MGAT4C: variants seen among roughly 807,000 people sequenced by gnomAD.
The protein encoded by MGAT4C is MGAT4 family member C, also known as alpha-1,3-mannosyl-glycoprotein 4-beta-N-acetylglucosaminyltransferase C.
A neutral mutation model predicts 40.1 loss-of-function variants in MGAT4C; 19 were observed. The observed-to-expected ratio is 0.47, with a 90% CI of 0.33 to 0.70. MGAT4C has a LOEUF of 0.70. Among genes scored for constraint, MGAT4C ranks in the 30% least tolerant of loss-of-function variants. The probability of loss-of-function intolerance (pLI) is 0.02; values close to 1 mark genes in which losing one functional copy is unlikely to be tolerated. For synonymous variants in MGAT4C, 181 were observed against 187.1 expected (o/e 0.97, Z 0.27); for missense variants, 491 against 563.2 (o/e 0.87, Z 1.30).
At chr12:86,252,720 C>T (rs1259291517) in intron 1 of MGAT4C, among the ~76,000 whole-genome samples, 3 of 151,772 alleles carry the variant, frequency 2.0e-5, no homozygotes, top group Non-Finnish European at 2.9e-5. Flanking sequence ...AAAAATTCTT[C>T]ATTTTTTATT....
At chr12:86,794,210 A>C (rs979515407) in intron 1 of MGAT4C, among the ~76,000 whole-genome samples, 7 of 151,716 alleles carry the variant, frequency 4.6e-5, no homozygotes, top group African/African-American at 1.2e-4. Context: ...TTTTTATTAA[A>C]ATGCTTATAT....
At chr12:86,014,805 G>A (rs1372710560) in intron 2 of MGAT4C, among the ~76,000 whole-genome samples, 1 of 151,970 alleles carries the variant, frequency 6.6e-6, no homozygotes, top group Non-Finnish European at 1.5e-5. Context: ...ACTTGGGGAC[G>A]TGGAGGGCTT....
chr12:86,618,730 A>C (rs1372937469), intron 2 of MGAT4C, among the ~76,000 whole-genome samples: 1 of 144,146 alleles, frequency 6.9e-6, no homozygotes, highest in East Asian at 2.0e-4. Context: ...ACAAACATAC[A>C]GTTAGATAGA....
chr12:85,961,935 A>G lies in MGAT4C; in HGVS notation c.*17354T>C, dbSNP rs1301798359. ...CCATTGTCAAAAATCATTGCCCATCAAAGCAGTGAGACTGTGTGCTATGTC... is the reference window on the plus strand; with the variant it reads ...CCATTGTCAAAAATCATTGCCCATCGAAGCAGTGAGACTGTGTGCTATGTC... On this transcript the variant is annotated 3_prime_UTR_variant, in exon 5 of 5. Transcript: ENST00000611864. The G allele has an allele frequency of 6.6e-6, 1 of 151,868 alleles. No homozygotes were observed. Among genetic ancestry groups the G allele is most frequent in the African/African-American group, 2.4e-5 (1 of 41,418 alleles). 9.4% of individuals were successfully genotyped at this position (151,868 alleles called of 1,614,324 possible). A position where few individuals can be genotyped will look rare whatever the true frequency, so the allele number is the denominator to read the frequency against.
intron 1 of MGAT4C, among the ~76,000 whole-genome samples, chr12:86,060,549 T>G (rs1328652063): frequency 6.6e-6 from 1 of 152,140 alleles, no homozygotes; most frequent in Non-Finnish European, 1.5e-5. Flanking sequence ...ATCAATAATA[T>G]TTAATTATAA....
At chr12:86,000,683 T>C (rs1263322266) in intron 2 of MGAT4C, among the ~76,000 whole-genome samples, 1 of 152,206 alleles carries the variant, frequency 6.6e-6, no homozygotes, top group Non-Finnish European at 1.5e-5. Flanking sequence ...AGCATTTTTA[T>C]TAAATTTTAT....
At chr12:86,433,523 A>AT (rs953311093) in intron 3 of MGAT4C, among the ~76,000 whole-genome samples, 43 of 150,830 alleles carry the variant, frequency 2.9e-4, no homozygotes, top group South Asian at 8.4e-4. Flanking sequence ...AAGCAAATAT[A>AT]TTTTTTTTTA....
chr12:86,358,931 T>C (rs138193218), intron 3 of MGAT4C, among the ~76,000 whole-genome samples: 20 of 152,052 alleles, frequency 1.3e-4, no homozygotes, highest in Non-Finnish European at 2.5e-4. Context: ...GACAGAAAGT[T>C]AACAAGGATA....
intron 2 of MGAT4C, among the ~76,000 whole-genome samples, chr12:86,661,720 T>C (rs2136549163): frequency 1.3e-5 from 2 of 152,168 alleles, no homozygotes; most frequent in South Asian, 4.2e-4. Flanking sequence ...CTGAGGTTGG[T>C]GGATCACTTG....
At chr12:86,798,015 A>G (rs1400492006) in intron 1 of MGAT4C, among the ~76,000 whole-genome samples, 1 of 151,988 alleles carries the variant, frequency 6.6e-6, no homozygotes, top group Admixed American at 6.6e-5. Flanking sequence ...ACCTACTTAC[A>G]TATCTTACCT....
intron 2 of MGAT4C, among the ~76,000 whole-genome samples, chr12:86,585,668 T>A (rs1444162389): frequency 6.6e-6 from 1 of 151,340 alleles, no homozygotes; most frequent in Non-Finnish European, 1.5e-5. Context: ...GTCTTCATTT[T>A]TCTTTAAGGC....
intron 2 of MGAT4C, among the ~76,000 whole-genome samples, chr12:86,440,834 A>G (rs899350722): frequency 2.0e-5 from 3 of 152,056 alleles, no homozygotes; most frequent in Non-Finnish European, 4.4e-5. Flanking sequence ...GCCAATAACA[A>G]CCAAGCTGAA....
intron 3 of MGAT4C, among the ~76,000 whole-genome samples, chr12:86,407,085 G>A (rs962208028): frequency 2.0e-5 from 3 of 152,020 alleles, no homozygotes; most frequent in Non-Finnish European, 2.9e-5. Context: ...ATGAAGTCTC[G>A]CAGAACTCAG....
chr12:86,539,348 A>G (rs1443112940), intron 2 of MGAT4C, among the ~76,000 whole-genome samples: 1 of 152,224 alleles, frequency 6.6e-6, no homozygotes, highest in African/African-American at 2.4e-5. Context: ...TACAAAGGAC[A>G]TGAACTCATC....
At chr12:86,093,376 A>C (rs1873235647) in intron 1 of MGAT4C, among the ~76,000 whole-genome samples, 1 of 152,108 alleles carries the variant, frequency 6.6e-6, no homozygotes, top group Non-Finnish European at 1.5e-5. Context: ...TAATACTTTG[A>C]CAGTATGCTT....
intron 2 of MGAT4C, among the ~76,000 whole-genome samples, chr12:86,562,327 T>C (rs922542662): frequency 3.3e-5 from 5 of 152,238 alleles, no homozygotes; most frequent in Admixed American, 1.3e-4. Flanking sequence ...AGGTGTCTAC[T>C]GTTAAAGTGA....
rs999669091 is a variant in MGAT4C at position 85,978,242 on chromosome 12, C to T, written c.*1047G>A. 5.3e-5 allele frequency: 8 copies of T among 151,490 alleles called. No individual in the cohort carries two copies. In the South Asian group the frequency reaches 6.2e-4, roughly 12 times the overall value. The allele number at this position is 151,490 out of a possible 1,614,324, so 9.4% of individuals were successfully genotyped here. A position where few individuals can be genotyped will look rare whatever the true frequency, so the allele number is the denominator to read the frequency against. On this transcript the variant is annotated 3_prime_UTR_variant, in exon 5 of 5. Transcript: ENST00000611864. Reference sequence around the variant, plus strand: ...CATAAATCTGTCAGGAGAAATCATACGAGAAAAAGAGCATTGTCTGGTTAT... The same window carrying T: ...CATAAATCTGTCAGGAGAAATCATATGAGAAAAAGAGCATTGTCTGGTTAT...
chr12:86,524,975 A>G (rs1393719327), intron 2 of MGAT4C, among the ~76,000 whole-genome samples: 2 of 152,134 alleles, frequency 1.3e-5, no homozygotes, highest in African/African-American at 4.8e-5. Context: ...TTGTTTTATT[A>G]TGATTCTTAA....
intron 2 of MGAT4C, among the ~76,000 whole-genome samples, chr12:86,551,394 T>G (rs1959353510): frequency 6.6e-6 from 1 of 151,586 alleles, no homozygotes; most frequent in East Asian, 2.0e-4. Context: ...CTGACTTATC[T>G]CCAGGCCAGA....
Sources: gnomAD v4.1 joint callset for allele counts (sites outside exome capture counted in the v4.1 genomes callset) on GRCh38, gnomAD v4.1.1 for gene constraint, MANE v1.5 for transcripts, NCBI Gene and HGNC (gene_info 2026-07-23, HGNC 2026-07-21) for gene names.